Variants in MUC4 observed in about 807,000 individuals in gnomAD.
MUC4 encodes the protein mucin-4.
Under a neutral mutation model 257.9 loss-of-function variants are expected in MUC4, and 202 were observed. The ratio of observed to expected loss-of-function variants is 0.78; its 90% CI spans 0.70 to 0.88. The LOEUF is 0.88. MUC4 is among the 40% of genes least tolerant of loss of function. The probability of loss-of-function intolerance (pLI) is 0.00; values close to 1 mark genes in which losing one functional copy is unlikely to be tolerated. For missense variants in MUC4, 5,976 were observed against 6,513.7 expected (o/e 0.92, Z 2.84); for synonymous variants, 2,351 against 2,757.1 (o/e 0.85, Z 4.62).
intron 4 of MUC4, among the ~76,000 whole-genome samples, chr3:195,773,496 A>G (rs191734669): frequency 0.096 from 8,969 of 93,304 alleles, 221 homozygotes; most frequent in Middle Eastern, 0.24. Context: ...TCTCTCTATC[A>G]CTCAGCAGGT....
chr3:195,758,366 CA>C lies in MUC4; in HGVS notation c.14986+757del, dbSNP rs551379969. ...CGGCTAGGTAAACATGGTTGCCAGA[CA>C]AAAAGAGCAAGAAAGGTACCAAACG... On this transcript the variant is annotated intron_variant, in intron 17 of 24. Transcript: ENST00000463781. Among the ~76,000 whole-genome samples, 800 of 152,164 alleles carry C rather than the reference CA, an allele frequency of 5.3e-3. 10 individuals are homozygous for C. Among genetic ancestry groups the C allele is most frequent in the African/African-American group, 0.019 (775 of 41,508 alleles).
chr3:195,791,229 A>T lies in MUC4; in HGVS notation c.351T>A (p.Asp117Glu). Reference protein sequence around the residue: ...VHNVMETAPPDEMTTSFPSSV... With the variant: ...VHNVMETAPPEEMTTSFPSSV... The stretch of plus-strand genomic sequence containing the variant: ...TGGAGGGAAATGATGTGGTCATTTC[A>T]TCTGGAGGAGCTGTCTCCATCACAT... The change falls in exon 2 of 25, where the codon GAT (aspartate) becomes GAA (glutamate). Residue 117 changes from aspartate (D) to glutamate (E), a missense_variant. Asp to Glu is a conservative substitution (Grantham distance 45, BLOSUM62 2). Coordinates refer to ENST00000463781, the MANE Select transcript of MUC4 (RefSeq NM_018406.7). The T allele has an allele frequency of 1.5e-6, 1 of 663,544 alleles. No homozygotes were observed. The highest frequency in any genetic ancestry group is 2.4e-6 in the Non-Finnish European group (1 of 421,206). 41.1% of individuals were successfully genotyped at this position (663,544 alleles called of 1,614,324 possible).
At chr3:195,765,242 C>A in intron 9 of MUC4, 28 bp downstream of exon 9, 1 of 1,578,980 alleles carries the variant, frequency 6.3e-7, no homozygotes. Flanking sequence ...GGTGGGTGGG[C>A]TTGTGGGGGG....
chr3:195,789,979 G>A lies in MUC4; in HGVS notation c.1601C>T (p.Ser534Phe), dbSNP rs1355473126. ...GTAGTIPRVP[S>F]KVSAIGEPGE... ...TGGTTCCCCTATTGCTGAGACCTTA[G>A]AGGGGACCCTTGGAATAGTGCCAGC... The change falls in exon 2 of 25, where the codon TCT becomes TTT. Residue 534 changes from serine (S) to phenylalanine (F), a missense_variant. Coordinates refer to ENST00000463781, the MANE Select transcript of MUC4 (RefSeq NM_018406.7). The A allele has an allele frequency of 1.9e-6, 3 of 1,613,992 alleles. No individual in the cohort carries two copies. In the Admixed American group the frequency reaches 5.0e-5, roughly 27 times the overall value.
In MUC4 at chr3:195,769,102, G is replaced by A; in HGVS notation, c.13449C>T (p.Ala4483=). 6.2e-7 allele frequency: 1 copy of A among 1,614,162 alleles called. No individual in the cohort carries two copies. Among genetic ancestry groups the A allele is most frequent in the Non-Finnish European group, 8.5e-7 (1 of 1,180,022 alleles). Residue 4483 remains alanine, a synonymous_variant, in exon 7 of 25, where the codon GCC becomes GCT. Coordinates refer to ENST00000463781, the MANE Select transcript of MUC4 (RefSeq NM_018406.7). ...ILSTDGSRSY[A]LFLYQSGGMQ... is the part of the protein sequence containing the mutation. Reference sequence around the variant, plus strand: ...TCCCACCGCTCTGGTAGAGAAACAGGGCATAGGACCTGCTCCCGTCCGTGG... The same window carrying A: ...TCCCACCGCTCTGGTAGAGAAACAGAGCATAGGACCTGCTCCCGTCCGTGG...
intron 8 of MUC4, among the ~76,000 whole-genome samples, chr3:195,765,938 G>T (rs1239122845): frequency 2.0e-5 from 3 of 151,860 alleles, no homozygotes; most frequent in Admixed American, 2.0e-4. Context: ...GACAATGAAC[G>T]TGAGACCCCC....
intron 1 of MUC4, among the ~76,000 whole-genome samples, chr3:195,792,619 T>C (rs1319155097): frequency 6.6e-6 from 1 of 152,202 alleles, no homozygotes; most frequent in Non-Finnish European, 1.5e-5. Flanking sequence ...GACCCAGCAA[T>C]CCCATTACTG....
rs892318860 is a variant in MUC4, at chr3:195,774,113, G to A, written c.13077+59C>T. 2.6e-6 allele frequency: 4 copies of A among 1,526,718 alleles called. 1 individual carries two copies. In the Admixed American group the frequency reaches 8.8e-5, roughly 34 times the overall value. The allele number at this position is 1,526,718 out of a possible 1,614,324, so 94.6% of individuals were successfully genotyped here. A position where few individuals can be genotyped will look rare whatever the true frequency, so the allele number is the denominator to read the frequency against. On this transcript the variant is annotated intron_variant, in intron 4 of 24. Transcript: ENST00000463781. ...CGCTTCCTCTGGGTTCCGTCTCGAA[G>A]CAGGAGAGAGAAGTGGGCCCTGGGA... is the stretch of plus-strand genomic sequence containing the variant.
intron 20 of MUC4, among the ~76,000 whole-genome samples, chr3:195,752,790 A>G (rs1577937556): frequency 6.6e-6 from 1 of 152,184 alleles, no homozygotes; most frequent in Non-Finnish European, 1.5e-5. Context: ...GGGCCTCCCC[A>G]GCGCTCATCT....
In MUC4 at chr3:195,790,237, G is replaced by A. The variant is rs1266553591; in HGVS notation, c.1343C>T (p.Ser448Phe). 6.2e-7 allele frequency: 1 copy of A among 1,614,038 alleles called. No individual in the cohort carries two copies. Among genetic ancestry groups the A allele is most frequent in the East Asian group, 2.2e-5 (1 of 44,886 alleles). The change falls in exon 2 of 25, where the codon TCC becomes TTC. Residue 448 changes from serine to phenylalanine, a missense_variant. Physicochemically the swap from Ser to Phe is radical, Grantham distance 155. Coordinates refer to ENST00000463781, the MANE Select transcript of MUC4 (RefSeq NM_018406.7). Reference sequence around the variant, plus strand: ...ACTCTGCTGGGTGTGGAAAGCTGTGGATATTTTTGGAGGTAGAGAACTGGG... The same window carrying A: ...ACTCTGCTGGGTGTGGAAAGCTGTGAATATTTTTGGAGGTAGAGAACTGGG... ...LSPSSLPPKISTAFHTQQSEG... is the reference protein window; with the variant it reads ...LSPSSLPPKIFTAFHTQQSEG...
intron 7 of MUC4, among the ~76,000 whole-genome samples, chr3:195,767,852 AC>A (rs1721761324): frequency 6.9e-6 from 1 of 145,942 alleles, no homozygotes; most frequent in Non-Finnish European, 1.5e-5. Context: ...CACCATCGCC[AC>A]CATCACCCCC....
Position 195,747,001 on chromosome 3 carries a change from C to T in MUC4, c.*175G>A, listed in dbSNP as rs1715162770. On this transcript the variant is annotated 3_prime_UTR_variant, in exon 25 of 25. Coordinates refer to ENST00000463781, the MANE Select transcript of MUC4 (RefSeq NM_018406.7). The stretch of plus-strand genomic sequence containing the variant: ...GATCTTTATGGCCTCCCCCTGTGCA[C>T]CTGCGCCTATGGATAAGGTATAGTC... 3.2e-6 allele frequency: 3 copies of T among 932,646 alleles called. No individual in the cohort carries two copies. The highest frequency in any genetic ancestry group is 3.3e-5 in the African/African-American group (2 of 60,830). The allele number at this position is 932,646 out of a possible 1,614,324, so 57.8% of individuals were successfully genotyped here.
intron 19 of MUC4, 128 bp downstream of exon 19, chr3:195,754,085 C>G (rs1389582756): frequency 1.6e-6 from 2 of 1,285,004 alleles, no homozygotes; most frequent in Non-Finnish European, 2.1e-6. Flanking sequence ...TTTCCCACAC[C>G]TGCCTAGATT....
In MUC4 at chr3:195,787,428, T is replaced by A; in HGVS notation, c.4152A>T (p.Ser1384=). The change falls in exon 2 of 25, where the codon TCA becomes TCT. Residue 1384 remains serine (S), a synonymous_variant. Coordinates refer to ENST00000463781, the MANE Select transcript of MUC4 (RefSeq NM_018406.7). The part of the protein sequence containing the change: ...ATPLPVTSLS[S]VSTGDTTPLP... ...GAGGCGTGGTGTCACCTGTGGATACTGAGGAAAGGCTGGTGACAGGAAGAG... is the reference window on the plus strand; with the variant it reads ...GAGGCGTGGTGTCACCTGTGGATACAGAGGAAAGGCTGGTGACAGGAAGAG... 2.7e-6 allele frequency: 2 copies of A among 743,640 alleles called. No individual in the cohort carries two copies. Among genetic ancestry groups the A allele is most frequent in the East Asian group, 3.2e-5 (1 of 30,904 alleles). 46.1% of individuals were successfully genotyped at this position (743,640 alleles called of 1,614,324 possible).
intron 3 of MUC4, among the ~76,000 whole-genome samples, chr3:195,777,660 C>A (rs1263838038): frequency 3.4e-5 from 2 of 58,784 alleles, no homozygotes; most frequent in Non-Finnish European, 6.5e-5. Context: ...CCTTCCACAC[C>A]CATACCTTCC....
chr3:195,783,510 A>T lies in MUC4; in HGVS notation c.8070T>A (p.Pro2690=). Residue 2690 remains proline, a synonymous_variant, in exon 2 of 25, where the codon CCT becomes CCA. Coordinates refer to ENST00000463781, the MANE Select transcript of MUC4 (RefSeq NM_018406.7). ...TGGATGCTGAGGAAGTGTCGGTGAC[A>T]GGAAGAGAGGTGGCATGACCGGTGG... ...SASTGHATSL[P]VTDTSSASTG... is the part of the protein sequence containing the mutation. 1.2e-6 allele frequency: 1 copy of T among 810,076 alleles called. No individual in the cohort carries two copies. 50.2% of individuals were successfully genotyped at this position (810,076 alleles called of 1,614,324 possible). A position where few individuals can be genotyped will look rare whatever the true frequency, so the allele number is the denominator to read the frequency against.
chr3:195,781,468 G>C lies in MUC4; in HGVS notation c.10112C>G (p.Thr3371Arg), dbSNP rs775801273. The change falls in exon 2 of 25, where the codon ACA (threonine) becomes AGA (arginine). Residue 3371 changes from threonine (T) to arginine (R), a missense_variant. Thr to Arg is a moderately conservative substitution (Grantham distance 71). Transcript: ENST00000463781. ...LPVTGLSSAS[T>R]GDTTRLPVTD... is the part of the protein sequence containing the mutation. ...GACAGGAAGACGGGTGGTGTCACCT[G>C]TGGAAGCTGAGGAAAGGCCGGTGAC... The C allele has an allele frequency of 1.9e-6, 3 of 1,542,752 alleles. No homozygotes were observed. The highest frequency in any genetic ancestry group is 2.2e-4 in the Middle Eastern group (1 of 4,618).
chr3:195,779,927 C>A lies in MUC4; in HGVS notation c.11653G>T (p.Asp3885Tyr), dbSNP rs546443157. 7.2e-7 allele frequency: 1 copy of A among 1,383,598 alleles called. No individual in the cohort carries two copies. Among genetic ancestry groups the A allele is most frequent in the African/African-American group, 2.5e-5 (1 of 39,676 alleles). The allele number at this position is 1,383,598 out of a possible 1,614,324, so 85.7% of individuals were successfully genotyped here. A position where few individuals can be genotyped will look rare whatever the true frequency, so the allele number is the denominator to read the frequency against. Residue 3885 changes from aspartate to tyrosine, a missense_variant, in exon 2 of 25, where the codon GAC (aspartate) becomes TAC (tyrosine). Around this residue, in one of 44 missense-constraint regions of MUC4, gnomAD observed 330 missense variants for 262.0 expected, o/e 1.26. Transcript: ENST00000463781. Reference sequence around the variant, plus strand: ...TCGGTGACAGGAAGAGGGGTGGTGTCACCTGTGGAAGCTGAGGAAAGGCCG... The same window carrying A: ...TCGGTGACAGGAAGAGGGGTGGTGTAACCTGTGGAAGCTGAGGAAAGGCCG... ...VTGLSSASTG[D>Y]TTPLPVTDTS...
intron 1 of MUC4, among the ~76,000 whole-genome samples, chr3:195,794,103 TAATAAA>T (rs1400182072): frequency 4.6e-5 from 6 of 130,656 alleles, no homozygotes; most frequent in African/African-American, 1.5e-4. Flanking sequence ...ATAATAATAA[TAATAAA>T]AATAGATATT....
Sources: gnomAD v4.1 joint callset for allele counts (sites outside exome capture counted in the v4.1 genomes callset) on GRCh38, gnomAD v4.1.1 for gene constraint, gnomAD v4.1.1 regional missense constraint, MANE v1.5 for transcripts, NCBI Gene and HGNC (gene_info 2026-07-23, HGNC 2026-07-21) for gene names.